Variants in ERC1 observed in about 807,000 individuals in gnomAD.
ERC1 encodes ELKS/RAB6-interacting/CAST family member 1.
ERC1 carries 56 observed loss-of-function variants against 132.0 expected under a neutral mutation model. The observed-to-expected ratio is 0.42, with a 90% CI of 0.34 to 0.53. The LOEUF is 0.53. ERC1 is among the 20% of genes least tolerant of loss of function. The pLI, the probability that ERC1 is intolerant of heterozygous loss-of-function variation, is 0.03. For missense variants in ERC1, 1,202 were observed against 1,349.9 expected (o/e 0.89, Z 1.72); for synonymous variants, 478 against 476.1 (o/e 1.00, Z -0.05).
chr12:1,133,865 A>C (rs12319882), intron 7 of ERC1, among the ~76,000 whole-genome samples: 1 of 151,898 alleles, frequency 6.6e-6, no homozygotes, highest in African/African-American at 2.4e-5. Flanking sequence ...TTTGAGTTCA[A>C]CTTTATTCAG....
intron 17 of ERC1, among the ~76,000 whole-genome samples, chr12:1,415,179 T>C (rs189116610): frequency 5.9e-5 from 9 of 152,356 alleles, no homozygotes; most frequent in African/African-American, 2.2e-4. Flanking sequence ...TTCCTTCCAG[T>C]AACCTGTGGT....
At chr12:1,113,541 T>TA (rs1354090992) in intron 6 of ERC1, among the ~76,000 whole-genome samples, 4 of 152,114 alleles carry the variant, frequency 2.6e-5, no homozygotes, top group Admixed American at 1.3e-4. Context: ...AAGACTGGAA[T>TA]AAAAAAATAC....
intron 18 of ERC1, among the ~76,000 whole-genome samples, chr12:1,489,395 C>T (rs1332903078): frequency 6.6e-6 from 1 of 152,200 alleles, no homozygotes; most frequent in Admixed American, 6.5e-5. Context: ...CGGCCTCACT[C>T]TGCTGGGTGG....
intron 9 of ERC1, among the ~76,000 whole-genome samples, 191 bp from the exon 10 acceptor site, chr12:1,181,734 G>T (rs1954489912): frequency 6.7e-6 from 1 of 149,258 alleles, no homozygotes; most frequent in African/African-American, 2.5e-5. Context: ...GGTGAGCCGA[G>T]ATCACGCCAT....
At chr12:1,002,472 C>G (rs1962584307) in intron 1 of ERC1, among the ~76,000 whole-genome samples, 1 of 151,826 alleles carries the variant, frequency 6.6e-6, no homozygotes, top group Non-Finnish European at 1.5e-5. Flanking sequence ...CAGGTGTGAG[C>G]CACTGCACCT....
intron 13 of ERC1, among the ~76,000 whole-genome samples, chr12:1,256,529 G>A (rs906510143): frequency 6.8e-6 from 1 of 147,410 alleles, no homozygotes; most frequent in South Asian, 2.2e-4. Context: ...TAAAACATTT[G>A]CCCAATTTTT....
Position 1,493,022 on chromosome 12 carries a change from T to G in ERC1, c.*2792T>G, listed in dbSNP as rs182620132. The G allele has an allele frequency of 6.7e-5, 15 of 225,396 alleles. No homozygotes were observed. The highest frequency in any genetic ancestry group is 2.9e-4 in the African/African-American group (13 of 45,018). 14.0% of individuals were successfully genotyped at this position (225,396 alleles called of 1,614,324 possible). Reference sequence around the variant, plus strand: ...CTAGTTGCCCTTTAGCACCTAAAGATCTGCACCCCAAACCAATGTCACCAT... The same window carrying G: ...CTAGTTGCCCTTTAGCACCTAAAGAGCTGCACCCCAAACCAATGTCACCAT... On this transcript the variant is annotated 3_prime_UTR_variant, in exon 19 of 19. Transcript: ENST00000360905.
intron 15 of ERC1, among the ~76,000 whole-genome samples, chr12:1,368,451 CT>C (rs1449584540): frequency 6.6e-6 from 1 of 151,644 alleles, no homozygotes. Flanking sequence ...TTTCAATTTG[CT>C]TTTTTTTCCA....
intron 8 of ERC1, among the ~76,000 whole-genome samples, chr12:1,162,923 A>G (rs564559427): frequency 1.1e-4 from 16 of 152,206 alleles, no homozygotes; most frequent in Non-Finnish European, 1.9e-4. Context: ...ATTGTCTAAT[A>G]GAACTCACTT....
rs896825718 is a variant in ERC1 at position 1,061,989 on chromosome 12, C to CTTTTT, written c.670-21160_670-21156dup. Among the ~76,000 whole-genome samples the CTTTTT allele has an allele frequency of 6.0e-5, 7 of 117,386 alleles. 1 individual carries two copies. Among genetic ancestry groups the CTTTTT allele is most frequent in the African/African-American group, 1.4e-4 (4 of 27,644 alleles). 77.0% of individuals were successfully genotyped at this position (117,386 alleles called of 152,430 possible). A position where few individuals can be genotyped will look rare whatever the true frequency, so the allele number is the denominator to read the frequency against. On this transcript the variant is annotated intron_variant, in intron 2 of 18. Coordinates refer to ENST00000360905, the MANE Select transcript of ERC1 (RefSeq NM_178040.4). The stretch of plus-strand genomic sequence containing the variant: ...TTGTGTTTTTTTTTCTTCTTTTCTT[C>CTTTTT]TTTTTTTTTTTTTTTTTTTGAGACG...
chr12:1,025,638 G>A (rs1054216470), intron 1 of ERC1, among the ~76,000 whole-genome samples: 4 of 151,966 alleles, frequency 2.6e-5, no homozygotes, highest in African/African-American at 9.7e-5. Flanking sequence ...ATTTATTTTG[G>A]TGTACTATGT....
At chr12:1,346,009 A>G (rs772518449) in intron 15 of ERC1, among the ~76,000 whole-genome samples, 3 of 152,090 alleles carry the variant, frequency 2.0e-5, no homozygotes, top group Admixed American at 1.3e-4. Flanking sequence ...TCCTGCCATC[A>G]CTGCATCTGA....
intron 15 of ERC1, among the ~76,000 whole-genome samples, chr12:1,328,985 TAAAAAA>T (rs113967541): frequency 3.5e-5 from 3 of 86,774 alleles, no homozygotes; most frequent in East Asian, 6.9e-4. Context: ...TAAAAGTTAC[TAAAAAA>T]AAAAAAAAAA....
chr12:1,242,270 G>A (rs1255616862), intron 13 of ERC1, among the ~76,000 whole-genome samples: 2 of 152,038 alleles, frequency 1.3e-5, no homozygotes, highest in Non-Finnish European at 2.9e-5. Flanking sequence ...TCATTTGAGT[G>A]TCTTTAGTTT....
chr12:1,007,534 CTCTCTCTGTGTGTGTGTGTG>C (rs1171355504), intron 1 of ERC1, among the ~76,000 whole-genome samples: 1 of 68,454 alleles, frequency 1.5e-5, no homozygotes, highest in Non-Finnish European at 2.7e-5. Context: ...CTCTCTCTCT[CTCTCTCTGTGTGTGTGTGTG>C]TGTGTGTGTG....
chr12:1,390,265 G>C (rs1465660180), intron 16 of ERC1, among the ~76,000 whole-genome samples: 1 of 152,060 alleles, frequency 6.6e-6, no homozygotes, highest in Non-Finnish European at 1.5e-5. Context: ...CCTGTCTCTT[G>C]ATATATTTAG....
intron 17 of ERC1, among the ~76,000 whole-genome samples, chr12:1,411,194 C>T (rs974695524): frequency 2.6e-5 from 4 of 152,112 alleles, no homozygotes; most frequent in East Asian, 1.9e-4. Flanking sequence ...ATAGTCCAGC[C>T]GTGGCAGTAT....
intron 8 of ERC1, among the ~76,000 whole-genome samples, chr12:1,156,385 C>T (rs150671016): frequency 0.077 from 11,701 of 151,968 alleles, 589 homozygotes; most frequent in Admixed American, 0.15. Flanking sequence ...GGATTACAGG[C>T]GCGCACCACC....
At chr12:1,059,608 C>T (rs1167640239) in intron 2 of ERC1, among the ~76,000 whole-genome samples, 3 of 152,070 alleles carry the variant, frequency 2.0e-5, no homozygotes, top group Non-Finnish European at 4.4e-5. Flanking sequence ...TGGATTTTGT[C>T]ATTCATGCTG....
Sources: gnomAD v4.1 joint callset for allele counts (sites outside exome capture counted in the v4.1 genomes callset) on GRCh38, gnomAD v4.1.1 for gene constraint, MANE v1.5 for transcripts, NCBI Gene and HGNC (gene_info 2026-07-23, HGNC 2026-07-21) for gene names.